The following MS4A13 variants were observed in gnomAD, a reference collection of about 807,000 sequenced individuals.
The protein encoded by MS4A13 is membrane spanning 4-domains A13.
A neutral mutation model predicts 18.4 loss-of-function variants in MS4A13; 21 were observed. The observed-to-expected ratio is 1.14, with a 90% CI of 0.81 to 1.64. MS4A13 has a LOEUF of 1.64. MS4A13 is among the 40% of genes most tolerant of loss of function. MS4A13 has a pLI of 0.00. For missense variants in MS4A13, 173 were observed against 176.8 expected (o/e 0.98, Z 0.12); for synonymous variants, 62 against 57.2 (o/e 1.08, Z -0.38).
chr11:60,527,625 C>G (rs535697585), intron 5 of MS4A13, among the ~76,000 whole-genome samples: 1 of 152,106 alleles, frequency 6.6e-6, no homozygotes, highest in South Asian at 2.1e-4. Flanking sequence ...CACTTGAGAT[C>G]AGATGTTCGA....
intron 5 of MS4A13, among the ~76,000 whole-genome samples, chr11:60,528,800 G>C (rs950600602): frequency 1.3e-5 from 2 of 152,152 alleles, no homozygotes; most frequent in African/African-American, 4.8e-5. Context: ...AAGGGAATCT[G>C]TTTTATTTAT....
At chr11:60,521,230 C>G (rs866856886) in intron 3 of MS4A13, among the ~76,000 whole-genome samples, 2 of 152,208 alleles carry the variant, frequency 1.3e-5, no homozygotes, top group Admixed American at 6.5e-5. Flanking sequence ...CTCAGACATG[C>G]CCTGGAGACA....
chr11:60,530,606 GTTTA>G (rs776208339), intron 6 of MS4A13, among the ~76,000 whole-genome samples: 10 of 152,206 alleles, frequency 6.6e-5, no homozygotes, highest in Non-Finnish European at 1.2e-4. Context: ...CTTGAGAAGT[GTTTA>G]TTTAAGAAAA....
At chr11:60,523,005 C>T (rs1253058182) in intron 3 of MS4A13, among the ~76,000 whole-genome samples, 1 of 152,144 alleles carries the variant, frequency 6.6e-6, no homozygotes, top group Non-Finnish European at 1.5e-5. Flanking sequence ...ACATAGTAAT[C>T]GAAAGATAAT....
intron 3 of MS4A13, among the ~76,000 whole-genome samples, chr11:60,519,083 T>C (rs2086656927): frequency 6.6e-6 from 1 of 152,192 alleles, no homozygotes; most frequent in Non-Finnish European, 1.5e-5. Flanking sequence ...CAAGTATTTG[T>C]GTAGGCAAGA....
intron 6 of MS4A13, among the ~76,000 whole-genome samples, chr11:60,540,460 A>G (rs1050161946): frequency 6.6e-6 from 1 of 152,168 alleles, no homozygotes; most frequent in African/African-American, 2.4e-5. Flanking sequence ...TAATAGCACA[A>G]AGAAAAGGAA....
chr11:60,525,794 A>T (rs1242950060), intron 5 of MS4A13, among the ~76,000 whole-genome samples: 1 of 152,154 alleles, frequency 6.6e-6, no homozygotes, highest in Non-Finnish European at 1.5e-5. Context: ...AAGGCCAAAA[A>T]TGCTAAATAT....
At chr11:60,530,768 G>A (rs1396917339) in intron 6 of MS4A13, among the ~76,000 whole-genome samples, 1 of 152,190 alleles carries the variant, frequency 6.6e-6, no homozygotes, top group Non-Finnish European at 1.5e-5. Flanking sequence ...GGAGGAACCT[G>A]ATGGGAGGAA....
chr11:60,518,228 A>T lies in MS4A13; in HGVS notation c.129+16A>T. 1 of 1,584,748 alleles carries T rather than the reference A, an allele frequency of 6.3e-7. No homozygotes were observed. Among genetic ancestry groups the T allele is most frequent in the South Asian group, 1.2e-5 (1 of 85,874 alleles). ...GGGAATTTTTGTGAGTAGAATACATATATATTGCTTTAATCATACAATAAA... is the reference window on the plus strand; with the variant it reads ...GGGAATTTTTGTGAGTAGAATACATTTATATTGCTTTAATCATACAATAAA... On this transcript the variant is annotated intron_variant, in intron 3 of 6. Transcript: ENST00000378186.
chr11:60,537,012 T>C (rs2086814112), intron 6 of MS4A13, among the ~76,000 whole-genome samples: 1 of 98,410 alleles, frequency 1.0e-5, no homozygotes, highest in Non-Finnish European at 2.0e-5. Context: ...TTACACCTTA[T>C]ACAAAAATCA....
intron 3 of MS4A13, among the ~76,000 whole-genome samples, chr11:60,522,067 C>G (rs2086677480): frequency 6.6e-6 from 1 of 152,020 alleles, no homozygotes; most frequent in Non-Finnish European, 1.5e-5. Context: ...ACAAGAACAG[C>G]ATGGGAAGGA....
At chr11:60,530,231 G>T (rs1468814056) in intron 6 of MS4A13, among the ~76,000 whole-genome samples, 1 of 152,190 alleles carries the variant, frequency 6.6e-6, no homozygotes, top group Non-Finnish European at 1.5e-5. Flanking sequence ...CAAAACAATG[G>T]CCTCTCCATT....
chr11:60,524,472 T>A (rs1396380162), intron 4 of MS4A13, among the ~76,000 whole-genome samples: 1 of 152,158 alleles, frequency 6.6e-6, no homozygotes, highest in East Asian at 1.9e-4. Flanking sequence ...GATAAAAAAA[T>A]GATGTCTGAA....
intron 2 of MS4A13, 97 bp from the exon 3 acceptor site, chr11:60,517,975 A>G: frequency 1.1e-6 from 1 of 952,298 alleles, no homozygotes; most frequent in Non-Finnish European, 1.5e-6. Flanking sequence ...TTACTTTTGT[A>G]TTTGTAAAGG....
chr11:60,539,638 C>T (rs531875344), intron 6 of MS4A13, among the ~76,000 whole-genome samples: 7 of 152,028 alleles, frequency 4.6e-5, no homozygotes, highest in African/African-American at 1.7e-4. Context: ...GTAAAATAAA[C>T]ACAAAGAGAT....
At chr11:60,531,104 C>T (rs1171800153) in intron 6 of MS4A13, among the ~76,000 whole-genome samples, 1 of 152,114 alleles carries the variant, frequency 6.6e-6, no homozygotes, top group Admixed American at 6.5e-5. Context: ...AGAAGTTTAC[C>T]TTGGTGGGTC....
At chr11:60,542,088 A>G (rs2086863461) in intron 6 of MS4A13, among the ~76,000 whole-genome samples, 1 of 147,942 alleles carries the variant, frequency 6.8e-6, no homozygotes. Flanking sequence ...AGCCTGGGCG[A>G]CATGACCTTG....
At chr11:60,530,192 G>T (rs2086755206) in intron 6 of MS4A13, among the ~76,000 whole-genome samples, 1 of 152,172 alleles carries the variant, frequency 6.6e-6, no homozygotes, top group Admixed American at 6.5e-5. Context: ...GCTAGGCATT[G>T]TCATAGGCAC....
At chr11:60,542,472 A>AT in intron 6 of MS4A13, 47 bp from the exon 7 acceptor site, 1 of 1,332,616 alleles carries the variant, frequency 7.5e-7, no homozygotes, top group Non-Finnish European at 1.1e-6. Context: ...TAGTTGTATA[A>AT]TATTAAGAAA....
Sources: allele counts gnomAD v4.1 joint callset (sites outside exome capture counted in the v4.1 genomes callset), GRCh38; gene constraint gnomAD v4.1.1; transcripts MANE v1.5; gene names NCBI Gene and HGNC (gene_info 2026-07-23, HGNC 2026-07-21).